Variants in KIAA0513 observed in about 807,000 individuals in gnomAD.
KIAA0513 encodes uncharacterized protein KIAA0513.
In KIAA0513, 39 loss-of-function variants were observed where a neutral mutation model predicts 56.5. That is an observed-to-expected ratio of 0.69 (90% CI 0.53 to 0.90). KIAA0513 has a LOEUF of 0.90. KIAA0513 is among the 40% of genes least tolerant of loss of function. The probability of loss-of-function intolerance (pLI) is 0.00; values close to 1 mark genes in which losing one functional copy is unlikely to be tolerated. For synonymous variants in KIAA0513, 268 were observed against 215.6 expected (o/e 1.24, Z -2.13); for missense variants, 591 against 535.2 (o/e 1.10, Z -1.03).
intron 4 of KIAA0513, 46 bp downstream of exon 4, chr16:85,073,044 T>TTCCCTCCCTGCC (rs1441871123): frequency 6.7e-7 from 1 of 1,499,754 alleles, no homozygotes; most frequent in Non-Finnish European, 9.3e-7. Flanking sequence ...CAAGCTCCTC[T>TTCCCTCCCTGCC]TCCCTCCCTG....
At chr16:85,041,609 C>T (rs916335352) in intron 1 of KIAA0513, among the ~76,000 whole-genome samples, 1 of 152,166 alleles carries the variant, frequency 6.6e-6, no homozygotes. Context: ...CAAAGTAACA[C>T]CTTTTGTCTC....
intron 10 of KIAA0513, among the ~76,000 whole-genome samples, chr16:85,086,179 A>G (rs1295927430): frequency 1.3e-5 from 2 of 152,162 alleles, no homozygotes; most frequent in Non-Finnish European, 2.9e-5. Flanking sequence ...GCTGGTCAGG[A>G]GACACAGGTG....
chr16:85,039,898 C>T (rs899169076), intron 1 of KIAA0513, among the ~76,000 whole-genome samples: 4 of 151,674 alleles, frequency 2.6e-5, no homozygotes, highest in African/African-American at 9.7e-5. Flanking sequence ...GCAGTGGCAC[C>T]ATCTTGGCTC....
chr16:85,029,055 C>T (rs973177563), intron 1 of KIAA0513, among the ~76,000 whole-genome samples: 1 of 152,222 alleles, frequency 6.6e-6, no homozygotes, highest in African/African-American at 2.4e-5. Flanking sequence ...GTCTTCCCCC[C>T]ATTTCTCCTG....
At chr16:85,046,505 C>T (rs187462657) in intron 1 of KIAA0513, among the ~76,000 whole-genome samples, 1 of 152,166 alleles carries the variant, frequency 6.6e-6, no homozygotes, top group African/African-American at 2.4e-5. Context: ...TAGTCCCCTT[C>T]GGTTATGTTT....
intron 1 of KIAA0513, among the ~76,000 whole-genome samples, chr16:85,029,638 C>T (rs1360995440): frequency 2.0e-5 from 3 of 152,184 alleles, no homozygotes; most frequent in Non-Finnish European, 4.4e-5. Context: ...CTCCTCCCAC[C>T]TCCTCCCTCC....
intron 2 of KIAA0513, among the ~76,000 whole-genome samples, chr16:85,070,015 A>AC (rs1170841826): frequency 6.6e-6 from 1 of 150,900 alleles, no homozygotes; most frequent in Non-Finnish European, 1.5e-5. Flanking sequence ...AAAAAAAACC[A>AC]CAAAAATTAG....
rs549649345 is a variant in KIAA0513, at chr16:85,038,927, G to A, written c.-173+11069G>A. Among the ~76,000 whole-genome samples the A allele has an allele frequency of 4.4e-4, 67 of 152,206 alleles. 1 individual carries two copies. Among genetic ancestry groups the A allele is most frequent in the African/African-American group, 1.4e-3 (59 of 41,530 alleles). ...GGCTCAAGGGCCGCATGTGGCCAGC[G>A]GCTACCACAGTGGGTAGCACAGCTC... is the stretch of plus-strand genomic sequence containing the variant. On this transcript the variant is annotated intron_variant, in intron 1 of 12. Transcript: ENST00000683363.
chr16:85,053,667 C>T (rs563635675), intron 1 of KIAA0513, among the ~76,000 whole-genome samples: 1 of 151,564 alleles, frequency 6.6e-6, no homozygotes, highest in Non-Finnish European at 1.5e-5. Flanking sequence ...CAGAATCAGC[C>T]CAGGCAATAT....
intron 1 of KIAA0513, among the ~76,000 whole-genome samples, chr16:85,046,370 T>C (rs540176235): frequency 2.0e-5 from 3 of 152,292 alleles, no homozygotes; most frequent in East Asian, 3.9e-4. Flanking sequence ...ACGGAAAAAC[T>C]TGGGGCTCCG....
intron 1 of KIAA0513, among the ~76,000 whole-genome samples, chr16:85,064,808 C>T (rs560278537): frequency 6.6e-6 from 1 of 152,254 alleles, no homozygotes; most frequent in South Asian, 2.1e-4. Flanking sequence ...GCCTCAGCCT[C>T]CTGAGTAGCT....
chr16:85,038,958 T>A (rs979909295), intron 1 of KIAA0513, among the ~76,000 whole-genome samples: 5 of 152,196 alleles, frequency 3.3e-5, no homozygotes, highest in African/African-American at 9.6e-5. Flanking sequence ...AGCTCTGACC[T>A]GTTAGTGACG....
chr16:85,092,521 C>G lies in KIAA0513; in HGVS notation c.*4196C>G, dbSNP rs2073879719. On this transcript the variant is annotated 3_prime_UTR_variant, in exon 13 of 13. Coordinates refer to ENST00000683363, the MANE Select transcript of KIAA0513 (RefSeq NM_001388359.1). ...CAGGCAGGTGTTCTGAGGCTGGTCC[C>G]TCCTCAGTTTCCGCAGCCACAAGGC... 6.6e-6 allele frequency: 1 copy of G among 152,182 alleles called. No homozygotes were observed. 9.4% of individuals were successfully genotyped at this position (152,182 alleles called of 1,614,324 possible).
intron 1 of KIAA0513, among the ~76,000 whole-genome samples, chr16:85,041,331 G>A (rs2073101302): frequency 6.6e-6 from 1 of 152,132 alleles, no homozygotes; most frequent in African/African-American, 2.4e-5. Flanking sequence ...ACAGGCTCAG[G>A]CTTCTACCAG....
intron 8 of KIAA0513, chr16:85,079,565 C>T (rs962412325): frequency 6.5e-6 from 1 of 154,600 alleles, no homozygotes; most frequent in Non-Finnish European, 1.4e-5. Flanking sequence ...AGTATTGTAT[C>T]ATCCCTATGA....
intron 1 of KIAA0513, among the ~76,000 whole-genome samples, chr16:85,040,484 C>T (rs1294345577): frequency 3.9e-5 from 6 of 152,026 alleles, no homozygotes; most frequent in African/African-American, 9.7e-5. Context: ...GAGCTGAGAT[C>T]GCACCACAGC....
At chr16:85,070,483 G>C (rs1334643529) in intron 2 of KIAA0513, among the ~76,000 whole-genome samples, 1 of 152,182 alleles carries the variant, frequency 6.6e-6, no homozygotes, top group African/African-American at 2.4e-5. Flanking sequence ...TTTGAGACCA[G>C]CCTGGCCAAC....
At chr16:85,077,777 G>A (rs2073680476) in intron 6 of KIAA0513, 145 bp downstream of exon 6, 11 of 658,968 alleles carry the variant, frequency 1.7e-5, no homozygotes, top group South Asian at 5.9e-5. Context: ...CTGCCCCCAC[G>A]GCTTGCTATG....
At chr16:85,038,569 G>A (rs1212396187) in intron 1 of KIAA0513, among the ~76,000 whole-genome samples, 2 of 151,946 alleles carry the variant, frequency 1.3e-5, no homozygotes, top group Non-Finnish European at 2.9e-5. Flanking sequence ...ATAGCTGGGC[G>A]TGGTGGTGGG....
Sources: gnomAD v4.1 joint callset for allele counts (sites outside exome capture counted in the v4.1 genomes callset) on GRCh38, gnomAD v4.1.1 for gene constraint, MANE v1.5 for transcripts, NCBI Gene and HGNC (gene_info 2026-07-23, HGNC 2026-07-21) for gene names.